Variants in NUSAP1 observed in about 807,000 individuals in gnomAD.
NUSAP1 encodes nucleolar and spindle associated protein 1, also known as nucleolar and spindle-associated protein 1.
A neutral mutation model predicts 52.8 loss-of-function variants in NUSAP1; 32 were observed. That is an observed-to-expected ratio of 0.61 (90% CI 0.46 to 0.81). The LOEUF is 0.81. NUSAP1 is among the 40% of genes least tolerant of loss of function. The probability of loss-of-function intolerance (pLI) is 0.00; values close to 1 mark genes in which losing one functional copy is unlikely to be tolerated. For missense variants in NUSAP1, 499 were observed against 522.3 expected (o/e 0.96, Z 0.43); for synonymous variants, 195 against 183.1 (o/e 1.06, Z -0.52).
intron 2 of NUSAP1, among the ~76,000 whole-genome samples, chr15:41,344,602 C>T (rs1418086340): frequency 6.6e-6 from 1 of 151,728 alleles, no homozygotes; most frequent in East Asian, 1.9e-4. Context: ...CATGCCACTG[C>T]ACTCCAGCCT....
At chr15:41,380,043 A>G in intron 10 of NUSAP1, 50 bp from the exon 11 acceptor site, 1 of 1,338,100 alleles carries the variant, frequency 7.5e-7, no homozygotes, top group Non-Finnish European at 1.0e-6. Context: ...GCTTTAAAGT[A>G]TCTGTTTTGG....
intron 7 of NUSAP1, among the ~76,000 whole-genome samples, chr15:41,366,174 C>T (rs571183947): frequency 7.7e-4 from 118 of 152,300 alleles, no homozygotes; most frequent in African/African-American, 2.7e-3. Context: ...GGTCTCACTA[C>T]GTTGTCCAGT....
chr15:41,349,766 CTTTTTTTT>C (rs1181209511), intron 3 of NUSAP1, among the ~76,000 whole-genome samples: 1 of 123,546 alleles, frequency 8.1e-6, no homozygotes, highest in Non-Finnish European at 1.7e-5. Context: ...TTTTTCTTTT[CTTTTTTTT>C]TTTTTTTTTG....
chr15:41,378,963 T>G (rs1327601184), intron 10 of NUSAP1, among the ~76,000 whole-genome samples: 2 of 122,432 alleles, frequency 1.6e-5, no homozygotes, highest in East Asian at 4.8e-4. Flanking sequence ...TTTTTTTTTT[T>G]TTTTTTTTGA....
At chr15:41,349,831 A>G (rs2048716956) in intron 3 of NUSAP1, among the ~76,000 whole-genome samples, 3 of 139,920 alleles carry the variant, frequency 2.1e-5, no homozygotes. Flanking sequence ...TGATGGCACC[A>G]TCTCAGCTTA....
In NUSAP1 at chr15:41,340,018, C is replaced by T. The variant is rs552070124; in HGVS notation, c.94-2368C>T. Among the ~76,000 whole-genome samples, 5 of 150,680 alleles carry T rather than the reference C, an allele frequency of 3.3e-5. No homozygotes were observed. In the South Asian group the frequency reaches 8.4e-4, roughly 25 times the overall value. On this transcript the variant is annotated intron_variant, in intron 1 of 10. Transcript: ENST00000559596. ...GAACTCCTAACTTTGGGTGATCTTCCTGCCTCGGCCTCCCAAAGTGCTAGG... is the reference window on the plus strand; with the variant it reads ...GAACTCCTAACTTTGGGTGATCTTCTTGCCTCGGCCTCCCAAAGTGCTAGG...
chr15:41,372,962 C>T (rs1371024170), intron 8 of NUSAP1, among the ~76,000 whole-genome samples: 1 of 151,764 alleles, frequency 6.6e-6, no homozygotes, highest in South Asian at 2.1e-4. Flanking sequence ...GTGGCATGCA[C>T]CTATCATCCC....
At chr15:41,336,655 T>TTGTTTTTTTTTTTTGTTTG (rs1555426236) in intron 1 of NUSAP1, among the ~76,000 whole-genome samples, 1 of 141,188 alleles carries the variant, frequency 7.1e-6, no homozygotes, top group Non-Finnish European at 1.5e-5. Flanking sequence ...TTGGTTTTTT[T>TTGTTTTTTTTTTTTGTTTG]TTTTTTTTTT....
chr15:41,356,856 CTCTA>C (rs2048992830), intron 5 of NUSAP1, among the ~76,000 whole-genome samples: 1 of 152,084 alleles, frequency 6.6e-6, no homozygotes, highest in East Asian at 1.9e-4. Context: ...TGTAAGTCTT[CTCTA>C]TCTTATATTG....
intron 1 of NUSAP1, among the ~76,000 whole-genome samples, chr15:41,336,657 T>G (rs866741247): frequency 2.3e-4 from 21 of 92,702 alleles, no homozygotes; most frequent in Admixed American, 6.0e-4. Flanking sequence ...GGTTTTTTTT[T>G]TTTTTTTTTT....
At chr15:41,350,843 C>G (rs1215775299) in intron 3 of NUSAP1, 145 bp from the exon 4 acceptor site, 1 of 659,388 alleles carries the variant, frequency 1.5e-6, no homozygotes, top group Admixed American at 3.0e-5. Flanking sequence ...GTTGATAAGG[C>G]AGAGAACCAA....
At position 41,371,712 on chromosome 15, in the gene NUSAP1, CTG is replaced by C. The variant is rs772291138; in HGVS notation, c.1006+30_1006+31del. On this transcript the variant is annotated intron_variant, in intron 8 of 10. Coordinates refer to ENST00000559596, the MANE Select transcript of NUSAP1 (RefSeq NM_016359.5). ...AAAAAAAAAAAAAAACAAAAGAAATCTGTTTCATTTTTAAGCCATGTAACTTC... is the reference window on the plus strand; with the variant it reads ...AAAAAAAAAAAAAAACAAAAGAAATCTTTCATTTTTAAGCCATGTAACTTC... 24 of 1,562,892 alleles carry C rather than the reference CTG, an allele frequency of 1.5e-5. No homozygotes were observed. In the African/African-American group the frequency reaches 2.8e-4, roughly 18 times the overall value.
intron 1 of NUSAP1, among the ~76,000 whole-genome samples, chr15:41,333,255 G>A (rs2047988098): frequency 6.6e-6 from 1 of 152,158 alleles, no homozygotes; most frequent in Non-Finnish European, 1.5e-5. Flanking sequence ...TTTTGAAGCT[G>A]GCTTGTCTGG....
Position 41,380,158 on chromosome 15 carries a change from G to T in NUSAP1, c.1298G>T (p.Arg433Leu), listed in dbSNP as rs781238150. Residue 433 changes from arginine (R) to leucine (L), a missense_variant, in exon 11 of 11, where the codon CGA becomes CTA. By Grantham distance (102) the Arg-to-Leu change is moderately radical. Coordinates refer to ENST00000559596, the MANE Select transcript of NUSAP1 (RefSeq NM_016359.5). ...AAGAAAGCAAAGGTTTTGGGAATGC[G>T]AAGGGGCCTCATTTTGGCTGAAGAT... ...KEKKAKVLGM[R>L]RGLILAED 1 of 1,584,370 alleles carries T rather than the reference G, an allele frequency of 6.3e-7. No individual in the cohort carries two copies. Among genetic ancestry groups the T allele is most frequent in the Admixed American group, 1.8e-5 (1 of 55,050 alleles).
At chr15:41,360,849 C>T (rs2049146359) in intron 6 of NUSAP1, among the ~76,000 whole-genome samples, 1 of 142,146 alleles carries the variant, frequency 7.0e-6, no homozygotes, top group African/African-American at 2.6e-5. Flanking sequence ...GGCTGGAGTG[C>T]AGTGGTGCGA....
rs138010600 is a variant in NUSAP1, at chr15:41,349,090, C to G, written c.163-8C>G. ...TAGCACATAGCAGATTAATACCTCT[C>G]TTTTCAGGATGAAAGTCAAACTTCT... is the stretch of plus-strand genomic sequence containing the variant. On this transcript the variant is annotated splice_polypyrimidine_tract_variant and splice_region_variant and intron_variant, in intron 2 of 10. Transcript: ENST00000559596. 2.0e-5 allele frequency: 32 copies of G among 1,612,972 alleles called. No homozygotes were observed. The highest frequency in any genetic ancestry group is 5.3e-5 in the African/African-American group (4 of 75,034).
chr15:41,336,589 A>G (rs2048141548), intron 1 of NUSAP1, among the ~76,000 whole-genome samples: 1 of 151,182 alleles, frequency 6.6e-6, no homozygotes, highest in African/African-American at 2.4e-5. Context: ...TGTTGAGCGA[A>G]CTTATTTTAA....
chr15:41,347,277 A>G (rs1352349998), intron 2 of NUSAP1, among the ~76,000 whole-genome samples: 2 of 152,228 alleles, frequency 1.3e-5, no homozygotes, highest in Non-Finnish European at 2.9e-5. Flanking sequence ...CTGACTACTA[A>G]TAGTGAAATA....
Position 41,353,088 on chromosome 15 carries a change from C to T in NUSAP1, c.448+1959C>T, listed in dbSNP as rs150135435. 1.8e-4 allele frequency among the ~76,000 whole-genome samples: 28 copies of T among 152,230 alleles called. No individual in the cohort carries two copies. In the East Asian group the frequency reaches 5.4e-3, roughly 29 times the overall value. ...GCTAGGTTGTTTCTTTGTGAAGTTA[C>T]TCTTTTACCACTTGGAATTAGTAAG... is the stretch of plus-strand genomic sequence containing the variant. On this transcript the variant is annotated intron_variant, in intron 4 of 10. Coordinates refer to ENST00000559596, the MANE Select transcript of NUSAP1 (RefSeq NM_016359.5).
Sources: allele counts gnomAD v4.1 joint callset (sites outside exome capture counted in the v4.1 genomes callset), GRCh38; gene constraint gnomAD v4.1.1; transcripts MANE v1.5; gene names NCBI Gene and HGNC (gene_info 2026-07-23, HGNC 2026-07-21).